The following PYGB variants were observed in gnomAD, a reference collection of about 807,000 sequenced individuals.
The protein encoded by PYGB is glycogen phosphorylase, brain form.
PYGB carries 82 observed loss-of-function variants against 94.3 expected under a neutral mutation model. The ratio of observed to expected loss-of-function variants is 0.87; its 90% CI spans 0.73 to 1.04. The LOEUF (loss-of-function observed/expected upper bound fraction) is 1.04. Ranked by LOEUF, PYGB falls within the 50% of genes least tolerant of loss-of-function variation. The probability of loss-of-function intolerance (pLI) is 0.00; values close to 1 mark genes in which losing one functional copy is unlikely to be tolerated. For missense variants in PYGB, 1,132 were observed against 1,158.2 expected (o/e 0.98, Z 0.33); for synonymous variants, 488 against 479.1 (o/e 1.02, Z -0.24).
rs199710380 is a variant in PYGB at position 25,271,157 on chromosome 20, TC to T, written c.425-218del. On this transcript the variant is annotated intron_variant, in intron 3 of 19. Transcript: ENST00000216962. ...TGGCCGAGTTCTCTAGGATTCTTCA[TC>T]CCCCCCCATCCTCCCACGCCCTTCG... 6.7e-4 allele frequency among the ~76,000 whole-genome samples: 101 copies of T among 151,200 alleles called. 1 individual carries two copies. The East Asian group carries it at 0.014, about 21-fold the overall frequency.
intron 1 of PYGB, among the ~76,000 whole-genome samples, chr20:25,252,137 C>T (rs964632809): frequency 6.6e-6 from 1 of 152,236 alleles, no homozygotes; most frequent in African/African-American, 2.4e-5. Flanking sequence ...CGCTCAAAGT[C>T]ATTTTCTCTG....
Position 25,292,628 on chromosome 20 carries a change from C to T in PYGB, c.2177+15C>T. 6.2e-7 allele frequency: 1 copy of T among 1,607,142 alleles called. No homozygotes were observed. The highest frequency in any genetic ancestry group is 8.5e-7 in the Non-Finnish European group (1 of 1,177,964). ...GACCGGAAAGGGTGCGAGCCTGTGC[C>T]CCTGGGCACCTGGCACCGTGAGGAT... is the stretch of plus-strand genomic sequence containing the variant. On this transcript the variant is annotated intron_variant, in intron 17 of 19. Coordinates refer to ENST00000216962, the MANE Select transcript of PYGB (RefSeq NM_002862.4).
At chr20:25,289,331 G>A (rs2088445263) in intron 15 of PYGB, among the ~76,000 whole-genome samples, 4 of 152,220 alleles carry the variant, frequency 2.6e-5, no homozygotes, top group Admixed American at 1.3e-4. Context: ...TACGGAGTTC[G>A]AAAAAGTTTT....
intron 15 of PYGB, 26 bp downstream of exon 15, chr20:25,288,509 T>C (rs1300985520): frequency 1.2e-6 from 2 of 1,611,554 alleles, no homozygotes; most frequent in Admixed American, 1.7e-5. Context: ...TGCAGTCCTC[T>C]CTGTGGTGTT....
Position 25,292,086 on chromosome 20 carries a change from G to C in PYGB, c.1970-320G>C, listed in dbSNP as rs1037934243. On this transcript the variant is annotated intron_variant, in intron 16 of 19. Coordinates refer to ENST00000216962, the MANE Select transcript of PYGB (RefSeq NM_002862.4). ...AGGGAACGACATTGTCAGCGAGCCAGGACTGGCTCCTTGGCTAGGCCTGGT... is the reference window on the plus strand; with the variant it reads ...AGGGAACGACATTGTCAGCGAGCCACGACTGGCTCCTTGGCTAGGCCTGGT... 5.9e-5 allele frequency among the ~76,000 whole-genome samples: 9 copies of C among 152,336 alleles called. No individual in the cohort carries two copies. In the East Asian group the frequency reaches 1.7e-3, roughly 29 times the overall value.
At chr20:25,259,175 C>T in intron 1 of PYGB, 62 bp from the exon 2 acceptor site, 3 of 1,423,922 alleles carry the variant, frequency 2.1e-6, no homozygotes, top group South Asian at 1.2e-5. Flanking sequence ...CGTGTCATCT[C>T]TGTAACCTTC....
chr20:25,278,583 G>A (rs1422588379), intron 8 of PYGB, 121 bp downstream of exon 8: 1 of 1,358,410 alleles, frequency 7.4e-7, no homozygotes, highest in East Asian at 2.5e-5. Context: ...CTTGTCTTGG[G>A]GTCTCGTCAT....
At chr20:25,268,165 C>CT (rs148449780) in intron 2 of PYGB, among the ~76,000 whole-genome samples, 1 of 91,150 alleles carries the variant, frequency 1.1e-5, no homozygotes, top group Non-Finnish European at 2.1e-5. Flanking sequence ...GCACCCGCCC[C>CT]CCCCCCATAT....
chr20:25,279,939 C>A (rs552109853), intron 9 of PYGB, among the ~76,000 whole-genome samples: 2 of 152,316 alleles, frequency 1.3e-5, no homozygotes, highest in South Asian at 4.1e-4. Context: ...AAATAGAAAA[C>A]TGCTCAATGG....
At chr20:25,255,356 A>G (rs1218706561) in intron 1 of PYGB, among the ~76,000 whole-genome samples, 2 of 152,228 alleles carry the variant, frequency 1.3e-5, no homozygotes, top group East Asian at 1.9e-4. Context: ...GCTCACCAGC[A>G]GGAGCCAGCA....
intron 2 of PYGB, among the ~76,000 whole-genome samples, chr20:25,264,076 C>T (rs542326150): frequency 1.2e-4 from 18 of 152,158 alleles, no homozygotes; most frequent in Non-Finnish European, 2.4e-4. Context: ...AAAGCTTATC[C>T]ACCATGATCA....
chr20:25,289,804 T>C (rs1157941792), intron 15 of PYGB: 1 of 533,260 alleles, frequency 1.9e-6, no homozygotes, highest in Non-Finnish European at 3.8e-6. Flanking sequence ...AGCATTCCTT[T>C]TCATAAAATG....
At position 25,290,714 on chromosome 20, in the gene PYGB, C is replaced by A; in HGVS notation, c.1969+92C>A. ...CCGGGCCTTTCATCCTCAGCCAGTTCAGCTCTGCCTGGACACCCAGACCTA... is the reference window on the plus strand; with the variant it reads ...CCGGGCCTTTCATCCTCAGCCAGTTAAGCTCTGCCTGGACACCCAGACCTA... On this transcript the variant is annotated intron_variant, in intron 16 of 19. Coordinates refer to ENST00000216962, the MANE Select transcript of PYGB (RefSeq NM_002862.4). 3 of 1,525,186 alleles carry A rather than the reference C, an allele frequency of 2.0e-6. No homozygotes were observed. In the Admixed American group the frequency reaches 5.2e-5, roughly 26 times the overall value. The allele number at this position is 1,525,186 out of a possible 1,614,324, so 94.5% of individuals were successfully genotyped here.
intron 8 of PYGB, among the ~76,000 whole-genome samples, 198 bp downstream of exon 8, chr20:25,278,660 G>C (rs1167247658): frequency 1.3e-5 from 2 of 152,206 alleles, no homozygotes; most frequent in African/African-American, 4.8e-5. Flanking sequence ...TTAGGAGTCA[G>C]GTCAGCAAGG....
rs1257900610 is a variant in PYGB, at chr20:25,283,189, A to G, written c.1532A>G (p.Glu511Gly). The G allele has an allele frequency of 6.2e-7, 1 of 1,613,210 alleles. No individual in the cohort carries two copies. Among genetic ancestry groups the G allele is most frequent in the Non-Finnish European group, 8.5e-7 (1 of 1,179,480 alleles). ...TACGTTCTCCAGAAAATTGGGGAGG[A>G]GTTCCTGACTGACCTGAGCCAGCTG... is the stretch of plus-strand genomic sequence containing the variant. Reference protein sequence around the residue: ...ADTIVEKIGEEFLTDLSQLKK... With the variant: ...ADTIVEKIGEGFLTDLSQLKK... Residue 511 changes from glutamate (E) to glycine (G), a missense_variant, in exon 13 of 20, where the codon GAG becomes GGG. Physicochemically the swap from Glu to Gly is moderately conservative, Grantham distance 98. Coordinates refer to ENST00000216962, the MANE Select transcript of PYGB (RefSeq NM_002862.4).
At chr20:25,259,372 C>G (rs748510543) in intron 2 of PYGB, 34 bp downstream of exon 2, 2 of 1,516,706 alleles carry the variant, frequency 1.3e-6, no homozygotes, top group Non-Finnish European at 1.8e-6. Context: ...TCTGGGTGGC[C>G]CCTCGTGGTG....
At position 25,296,636 on chromosome 20, in the gene PYGB, A is replaced by G. The variant is rs200330727; in HGVS notation, c.*114A>G. On this transcript the variant is annotated 3_prime_UTR_variant, in exon 20 of 20. Coordinates refer to ENST00000216962, the MANE Select transcript of PYGB (RefSeq NM_002862.4). ...GGTGGTCCCTGCTTTTCTGAGTACC[A>G]TGTTTCCAGGAGGGGCCATGGGGGT... 8.7e-6 allele frequency: 12 copies of G among 1,379,576 alleles called. No homozygotes were observed. The highest frequency in any genetic ancestry group is 8.8e-6 in the Non-Finnish European group (9 of 1,027,032). The allele number at this position is 1,379,576 out of a possible 1,614,324, so 85.5% of individuals were successfully genotyped here.
Position 25,280,373 on chromosome 20 carries a change from C to T in PYGB, c.1200C>T (p.His400=), listed in dbSNP as rs2088354954. 6.2e-7 allele frequency: 1 copy of T among 1,614,184 alleles called. No individual in the cohort carries two copies. The highest frequency in any genetic ancestry group is 8.5e-7 in the Non-Finnish European group (1 of 1,180,010). ...VSMFEKLLPR[H]LEIIYAINQR... ...TGTTTGAGAAGCTGCTGCCGCGGCA[C>T]CTGGAGATAATCTATGCCATCAACC... The change falls in exon 10 of 20, where the codon CAC becomes CAT. Residue 400 remains histidine (H), a synonymous_variant. Transcript: ENST00000216962.
intron 6 of PYGB, among the ~76,000 whole-genome samples, chr20:25,277,029 G>A (rs917573266): frequency 2.0e-5 from 3 of 152,048 alleles, no homozygotes; most frequent in Non-Finnish European, 4.4e-5. Flanking sequence ...CCCCTGGGGA[G>A]GAGTGAGGGG....
Sources: allele counts gnomAD v4.1 joint callset (sites outside exome capture counted in the v4.1 genomes callset), GRCh38; gene constraint gnomAD v4.1.1; transcripts MANE v1.5; gene names NCBI Gene and HGNC (gene_info 2026-07-23, HGNC 2026-07-21).